NSMCE2: variants seen among roughly 807,000 people sequenced by gnomAD.
The protein encoded by NSMCE2 is E3 SUMO-protein ligase NSE2.
Under a neutral mutation model 23.8 loss-of-function variants are expected in NSMCE2, and 24 were observed. The observed-to-expected ratio is 1.01, with a 90% CI of 0.73 to 1.42. NSMCE2 has a LOEUF of 1.42. Ranked by LOEUF, NSMCE2 falls within the 40% of genes most tolerant of loss-of-function variation. NSMCE2 has a pLI of 0.00. For missense variants in NSMCE2, 284 were observed against 296.5 expected, an observed-to-expected ratio of 0.96 and a Z score of 0.31; for synonymous variants, 92 against 94.1, an observed-to-expected ratio of 0.98 and a Z score of 0.13.
intron 5 of NSMCE2, among the ~76,000 whole-genome samples, chr8:125,200,486 A>C (rs566654165): frequency 1.4e-4 from 21 of 152,336 alleles, no homozygotes; most frequent in Admixed American, 1.3e-3. Flanking sequence ...TTCTTTAAGA[A>C]TGTTGAATAT....
chr8:125,294,255 G>A (rs1438030010), intron 5 of NSMCE2, among the ~76,000 whole-genome samples: 1 of 152,142 alleles, frequency 6.6e-6, no homozygotes, highest in African/African-American at 2.4e-5. Flanking sequence ...TATGGATAGT[G>A]CTGCTGTGAA....
At chr8:125,351,840 C>A (rs1813049103) in intron 5 of NSMCE2, among the ~76,000 whole-genome samples, 1 of 151,912 alleles carries the variant, frequency 6.6e-6, no homozygotes, top group Non-Finnish European at 1.5e-5. Flanking sequence ...GTGAAACCCC[C>A]ATCTCTACTA....
intron 3 of NSMCE2, among the ~76,000 whole-genome samples, chr8:125,131,387 AT>A (rs1433789981): frequency 6.6e-6 from 1 of 152,196 alleles, no homozygotes; most frequent in Non-Finnish European, 1.5e-5. Flanking sequence ...AGGGTTAAAG[AT>A]GTTCTGCTTT....
At chr8:125,096,534 GTTAT>G (rs1817939516) in intron 1 of NSMCE2, among the ~76,000 whole-genome samples, 1 of 123,808 alleles carries the variant, frequency 8.1e-6, no homozygotes, top group Non-Finnish European at 1.7e-5. Context: ...AGTTTCTAGT[GTTAT>G]TTGTTTTTTT....
intron 5 of NSMCE2, among the ~76,000 whole-genome samples, chr8:125,203,179 TTTAG>T (rs977985400): frequency 2.0e-5 from 3 of 151,980 alleles, no homozygotes; most frequent in Non-Finnish European, 4.4e-5. Flanking sequence ...AGCTCAGTTG[TTTAG>T]TTAGCCTTTA....
intron 3 of NSMCE2, among the ~76,000 whole-genome samples, chr8:125,134,722 C>CT (rs34284298): frequency 0.15 from 18,070 of 117,662 alleles, 1,795 homozygotes; most frequent in South Asian, 0.29. Context: ...TAACGGATTC[C>CT]TTTTTTTTTT....
intron 5 of NSMCE2, among the ~76,000 whole-genome samples, chr8:125,287,908 G>GACTA (rs1827962349): frequency 6.6e-6 from 1 of 151,940 alleles, no homozygotes; most frequent in Admixed American, 6.6e-5. Context: ...ACTACTCGAC[G>GACTA]CTCCCAGATA....
At chr8:125,171,093 T>C (rs1213897353) in intron 4 of NSMCE2, among the ~76,000 whole-genome samples, 1 of 152,172 alleles carries the variant, frequency 6.6e-6, no homozygotes, top group Non-Finnish European at 1.5e-5. Flanking sequence ...TCATTTTCTT[T>C]AGGTCTCTGG....
intron 5 of NSMCE2, among the ~76,000 whole-genome samples, chr8:125,211,936 C>CT (rs1256574940): frequency 6.6e-6 from 1 of 152,120 alleles, no homozygotes; most frequent in African/African-American, 2.4e-5. Flanking sequence ...GTTCTAGTTT[C>CT]TGATATTCTG....
intron 5 of NSMCE2, among the ~76,000 whole-genome samples, chr8:125,242,813 C>T (rs1825810648): frequency 6.6e-6 from 1 of 152,208 alleles, no homozygotes; most frequent in East Asian, 1.9e-4. Context: ...TCAGAATTCT[C>T]ACCTGGTTTA....
chr8:125,253,187 A>G (rs185025980), intron 5 of NSMCE2, among the ~76,000 whole-genome samples: 3 of 152,350 alleles, frequency 2.0e-5, no homozygotes, highest in African/African-American at 7.2e-5. Flanking sequence ...CAAATATGGA[A>G]GTTTATATAC....
chr8:125,337,849 C>G (rs940045518), intron 5 of NSMCE2, among the ~76,000 whole-genome samples: 7 of 139,928 alleles, frequency 5.0e-5, no homozygotes, highest in African/African-American at 1.8e-4. Flanking sequence ...GAGCCAAGAT[C>G]GCACCATTGC....
In NSMCE2 at chr8:125,319,545, G is replaced by A. The variant is rs114470647; in HGVS notation, c.419-37674G>A. ...TAGGTGTGTGTGTGTGGGCAGTGGG[G>A]GTGTATGTCTTTACATATGTAAAGA... On this transcript the variant is annotated intron_variant, in intron 5 of 7. Transcript: ENST00000287437. 5.7e-3 allele frequency among the ~76,000 whole-genome samples: 873 copies of A among 152,100 alleles called. 9 individuals carry two copies. Among genetic ancestry groups the A allele is most frequent in the African/African-American group, 0.019 (791 of 41,494 alleles).
At chr8:125,139,832 C>T (rs1820267452) in intron 3 of NSMCE2, among the ~76,000 whole-genome samples, 1 of 152,202 alleles carries the variant, frequency 6.6e-6, no homozygotes, top group African/African-American at 2.4e-5. Flanking sequence ...TGTCATTAAA[C>T]TGAACCAGAC....
chr8:125,192,960 G>A (rs754657160), intron 5 of NSMCE2, among the ~76,000 whole-genome samples: 23 of 152,112 alleles, frequency 1.5e-4, no homozygotes, highest in Non-Finnish European at 2.4e-4. Flanking sequence ...AAGTAATGAA[G>A]CAAAAGTTAT....
At chr8:125,292,249 AAAG>A (rs1040365642) in intron 5 of NSMCE2, among the ~76,000 whole-genome samples, 7 of 151,954 alleles carry the variant, frequency 4.6e-5, no homozygotes, top group South Asian at 2.1e-4. Context: ...GAAGAAGAAA[AAAG>A]AAGAAGAAGC....
At chr8:125,196,709 A>G (rs986831731) in intron 5 of NSMCE2, among the ~76,000 whole-genome samples, 8 of 152,210 alleles carry the variant, frequency 5.3e-5, no homozygotes, top group Non-Finnish European at 8.8e-5. Context: ...TCCTTTGGGT[A>G]TATACCCAGT....
intron 5 of NSMCE2, among the ~76,000 whole-genome samples, chr8:125,319,383 A>G (rs1408611667): frequency 6.6e-6 from 1 of 152,166 alleles, no homozygotes; most frequent in East Asian, 1.9e-4. Context: ...GGGAAAATCA[A>G]CCCATCAAAA....
chr8:125,236,528 T>G (rs550644086), intron 5 of NSMCE2, among the ~76,000 whole-genome samples: 11 of 152,244 alleles, frequency 7.2e-5, no homozygotes, highest in South Asian at 2.1e-4. Context: ...TGGAAATGTT[T>G]GCATATGTGT....
Sources: allele counts gnomAD v4.1 joint callset (sites outside exome capture counted in the v4.1 genomes callset), GRCh38; gene constraint gnomAD v4.1.1; transcripts MANE v1.5; gene names NCBI Gene and HGNC (gene_info 2026-07-23, HGNC 2026-07-21).